Variants in SPAM1 observed in about 807,000 individuals in gnomAD.
The protein encoded by SPAM1 is sperm adhesion molecule 1, also known as hyaluronidase PH-20.
SPAM1 carries 22 observed loss-of-function variants against 29.6 expected under a neutral mutation model. That is an observed-to-expected ratio of 0.74 (90% CI 0.53 to 1.06). The LOEUF is 1.06. Among genes scored for constraint, SPAM1 ranks in the 50% least tolerant of loss-of-function variants. The pLI, the probability that SPAM1 is intolerant of heterozygous loss-of-function variation, is 0.00. For missense variants in SPAM1, 534 were observed against 604.0 expected (o/e 0.88, Z 1.21); for synonymous variants, 194 against 204.6 (o/e 0.95, Z 0.44).
At chr7:123,957,785 G>T (rs139641723) in intron 4 of SPAM1, among the ~76,000 whole-genome samples, 14 of 152,052 alleles carry the variant, frequency 9.2e-5, no homozygotes, top group African/African-American at 3.4e-4. Context: ...CCATTATCTG[G>T]CTGGCTACTG....
chr7:123,959,535 A>G lies in SPAM1; in HGVS notation c.1096A>G (p.Ile366Val). 1 of 1,612,950 alleles carries G rather than the reference A, an allele frequency of 6.2e-7. No homozygotes were observed. ...NYMETILNPY[I>V]INVTLAAKMC... ...CATGGAGACTATACTGAATCCTTAC[A>G]TAATCAACGTCACACTAGCAGCCAA... is the stretch of plus-strand genomic sequence containing the variant. Residue 366 changes from isoleucine to valine, a missense_variant, in exon 5 of 5, where the codon ATA becomes GTA. Ile to Val is a conservative substitution (Grantham distance 29). Transcript: ENST00000682466.
chr7:123,958,360 A>T (rs1256347316), intron 4 of SPAM1, among the ~76,000 whole-genome samples: 1 of 152,058 alleles, frequency 6.6e-6, no homozygotes, highest in African/African-American at 2.4e-5. Flanking sequence ...CTCAAGATGA[A>T]GATGAATCAT....
chr7:123,933,861 C>T (rs1282243141), intron 1 of SPAM1, among the ~76,000 whole-genome samples: 1 of 152,092 alleles, frequency 6.6e-6, no homozygotes, highest in Non-Finnish European at 1.5e-5. Flanking sequence ...CAATGATAGA[C>T]CATATATATA....
intron 1 of SPAM1, chr7:123,931,986 G>A (rs1179846744): frequency 1.3e-5 from 2 of 152,212 alleles, no homozygotes; most frequent in Non-Finnish European, 2.9e-5. Flanking sequence ...TAGGACATAT[G>A]CCTGTGTGCT....
intron 3 of SPAM1, 125 bp downstream of exon 3, chr7:123,954,649 T>C (rs1233733806): frequency 3.1e-6 from 2 of 644,506 alleles, no homozygotes; most frequent in Non-Finnish European, 5.2e-6. Context: ...TGTACACAAG[T>C]AGATCAACAT....
chr7:123,939,880 G>T (rs1323823527), intron 1 of SPAM1, among the ~76,000 whole-genome samples: 1 of 152,142 alleles, frequency 6.6e-6, no homozygotes, highest in Non-Finnish European at 1.5e-5. Flanking sequence ...TAAGAGTACT[G>T]TTAGGTTGTT....
intron 1 of SPAM1, among the ~76,000 whole-genome samples, chr7:123,942,564 CT>C (rs1193019704): frequency 6.6e-6 from 1 of 152,150 alleles, no homozygotes; most frequent in African/African-American, 2.4e-5. Flanking sequence ...AAAAAATTGG[CT>C]TTGCTGAAAC....
In SPAM1 at chr7:123,937,234, TA is replaced by T. The variant is rs565539110; in HGVS notation, c.-319+11884del. On this transcript the variant is annotated intron_variant, in intron 1 of 4. Coordinates refer to ENST00000682466, the MANE Select transcript of SPAM1 (RefSeq NM_153189.3). The stretch of plus-strand genomic sequence containing the variant: ...GTTCGGAATAAATTCAAATGAGCCA[TA>T]ATAAGCAATATTTAATAATGTTGGT... Among the ~76,000 whole-genome samples the T allele has an allele frequency of 1.5e-3, 228 of 152,242 alleles. 8 individuals carry two copies. The South Asian group carries it at 0.046, about 31-fold the overall frequency.
intron 1 of SPAM1, among the ~76,000 whole-genome samples, chr7:123,926,543 TG>T (rs1807890374): frequency 2.0e-5 from 3 of 152,226 alleles, no homozygotes; most frequent in African/African-American, 7.2e-5. Flanking sequence ...TGAGTGATTA[TG>T]GCCCCGTGAC....
intron 6 of SPAM1, among the ~76,000 whole-genome samples, chr7:123,970,755 A>T (rs1054060001): frequency 2.0e-5 from 3 of 151,972 alleles, no homozygotes; most frequent in African/African-American, 7.2e-5. Flanking sequence ...TGAATCCAGT[A>T]TATGAATGCA....
intron 1 of SPAM1, among the ~76,000 whole-genome samples, chr7:123,927,530 T>C (rs962292225): frequency 1.3e-5 from 2 of 152,140 alleles, no homozygotes; most frequent in African/African-American, 4.8e-5. Context: ...GGGAGAAAGA[T>C]GGGCAAGGCT....
chr7:123,947,734 T>C (rs1293558013), intron 1 of SPAM1: 1 of 152,124 alleles, frequency 6.6e-6, no homozygotes, highest in African/African-American at 2.4e-5. Flanking sequence ...TAGATTGGAG[T>C]GACTTCTGAC....
rs77588965 is a variant in SPAM1, at chr7:123,959,475, A to C, written c.1045-9A>C. On this transcript the variant is annotated splice_polypyrimidine_tract_variant and intron_variant, in intron 4 of 4. Coordinates refer to ENST00000682466, the MANE Select transcript of SPAM1 (RefSeq NM_153189.3). ...TTGATATTCTGACTGTCTTATAATA[A>C]TTTTACAGAAATCTTGCTTGCTCCT... 1.9e-5 allele frequency: 29 copies of C among 1,562,394 alleles called. No homozygotes were observed. In the African/African-American group the frequency reaches 3.1e-4, roughly 17 times the overall value.
intron 5 of SPAM1, among the ~76,000 whole-genome samples, chr7:123,965,153 C>T (rs566158120): frequency 7.8e-4 from 118 of 152,048 alleles, no homozygotes; most frequent in African/African-American, 2.5e-3. Context: ...GAAAGAAGAT[C>T]GGAGTGGGTG....
At chr7:123,942,538 T>A (rs1388830462) in intron 1 of SPAM1, among the ~76,000 whole-genome samples, 1 of 152,230 alleles carries the variant, frequency 6.6e-6, no homozygotes, top group African/African-American at 2.4e-5. Flanking sequence ...TCAGCAAGAA[T>A]AATTGTTTCT....
chr7:123,949,417 T>C (rs570989268), intron 1 of SPAM1, among the ~76,000 whole-genome samples: 6 of 152,278 alleles, frequency 3.9e-5, no homozygotes, highest in Non-Finnish European at 8.8e-5. Context: ...TTTGTATACT[T>C]CAACTGTGTG....
At chr7:123,933,876 C>A (rs1313153604) in intron 1 of SPAM1, among the ~76,000 whole-genome samples, 1 of 152,038 alleles carries the variant, frequency 6.6e-6, no homozygotes, top group African/African-American at 2.4e-5. Flanking sequence ...TATATATATA[C>A]CATGGTGGTC....
chr7:123,969,778 C>CT (rs34864162), intron 5 of SPAM1, among the ~76,000 whole-genome samples: 2,062 of 140,446 alleles, frequency 0.015, 46 homozygotes, highest in African/African-American at 0.046. Context: ...TATTTGGGCT[C>CT]TTTTTTTTTT....
At chr7:123,960,780 T>G (rs546814176), downstream of SPAM1, among the ~76,000 whole-genome samples, 1 of 152,034 alleles carries the variant, frequency 6.6e-6, no homozygotes, top group South Asian at 2.1e-4. Context: ...TTAATTTTTT[T>G]GCGGCATTAC....
Sources: gnomAD v4.1 joint callset for allele counts (sites outside exome capture counted in the v4.1 genomes callset) on GRCh38, gnomAD v4.1.1 for gene constraint, MANE v1.5 for transcripts, NCBI Gene and HGNC (gene_info 2026-07-23, HGNC 2026-07-21) for gene names.